SBNO1: variants seen among roughly 807,000 people sequenced by gnomAD.
SBNO1 encodes protein strawberry notch homolog 1.
SBNO1 carries 23 observed loss-of-function variants against 173.6 expected under a neutral mutation model. The ratio of observed to expected loss-of-function variants is 0.13; its 90% CI spans 0.10 to 0.19. The LOEUF (loss-of-function observed/expected upper bound fraction) is 0.19, where lower values mean the gene tolerates loss of function less well. Ranked by LOEUF, SBNO1 falls within the 10% of genes least tolerant of loss-of-function variation. The pLI, the probability that SBNO1 is intolerant of heterozygous loss-of-function variation, is 1.00. For missense variants in SBNO1, 1,238 were observed against 1,671.2 expected, an observed-to-expected ratio of 0.74 and a Z score of 4.52; for synonymous variants, 632 against 571.5, an observed-to-expected ratio of 1.11 and a Z score of -1.51.
At chr12:123,317,187 T>C (rs1341710855) in intron 21 of SBNO1, 34 bp downstream of exon 21, 3 of 1,609,984 alleles carry the variant, frequency 1.9e-6, no homozygotes, top group Non-Finnish European at 1.7e-6. Flanking sequence ...TTCCTAGCTA[T>C]CCATTAAGTG....
intron 1 of SBNO1, 21 bp downstream of exon 1, chr12:123,364,680 A>G (rs1159889796): frequency 3.1e-6 from 3 of 979,530 alleles, no homozygotes; most frequent in African/African-American, 3.6e-5. Flanking sequence ...GAAGGAGAAA[A>G]GGGCCAAGGG....
At chr12:123,338,358 G>T (rs1872107047) in intron 5 of SBNO1, among the ~76,000 whole-genome samples, 1 of 151,726 alleles carries the variant, frequency 6.6e-6, no homozygotes, top group African/African-American at 2.4e-5. Flanking sequence ...TTCAAGACCA[G>T]CCTGGCCAAC....
chr12:123,358,017 G>C lies in SBNO1; in HGVS notation c.-1+6684C>G, dbSNP rs190054735. On this transcript the variant is annotated intron_variant, in intron 1 of 31. Coordinates refer to ENST00000602398, the MANE Select transcript of SBNO1 (RefSeq NM_001167856.3). ...GTCAATTGTCTTGATTCTCACTACA[G>C]GCTGAGTTTCCCGTATCTGAAACTT... Among the ~76,000 whole-genome samples, 68 of 152,286 alleles carry C rather than the reference G, an allele frequency of 4.5e-4. 1 individual carries two copies. Among genetic ancestry groups the C allele is most frequent in the South Asian group, 1.7e-3 (8 of 4,830 alleles).
intron 31 of SBNO1, 34 bp from the exon 32 acceptor site, chr12:123,296,084 T>A: frequency 1.4e-6 from 2 of 1,465,714 alleles, no homozygotes; most frequent in Non-Finnish European, 9.6e-7. Context: ...TCAAGTTGTG[T>A]CCAGAAGAAA....
chr12:123,296,332 G>A (rs568515298), intron 31 of SBNO1, among the ~76,000 whole-genome samples: 300 of 123,420 alleles, frequency 2.4e-3, no homozygotes, highest in African/African-American at 8.6e-3. Flanking sequence ...TTTAACAGGA[G>A]GTTAAGAATA....
chr12:123,304,823 C>T, intron 28 of SBNO1, 104 bp from the exon 29 acceptor site: 1 of 792,738 alleles, frequency 1.3e-6, no homozygotes, highest in South Asian at 1.7e-5. Flanking sequence ...GACTATAACA[C>T]TAAGTAAGTA....
intron 6 of SBNO1, 100 bp from the exon 7 acceptor site, chr12:123,334,313 A>G: frequency 1.3e-6 from 1 of 753,926 alleles, no homozygotes. Flanking sequence ...TAACATAGAA[A>G]AATAATTAAA....
intron 3 of SBNO1, among the ~76,000 whole-genome samples, chr12:123,347,817 G>A (rs1292114437): frequency 6.6e-6 from 1 of 152,164 alleles, no homozygotes; most frequent in Non-Finnish European, 1.5e-5. Flanking sequence ...TTACAGGCAT[G>A]AGCCACTGTG....
rs759066455 is a variant in SBNO1, at chr12:123,323,642, C to A, written c.2125+38G>T. The A allele has an allele frequency of 2.6e-6, 4 of 1,531,910 alleles. No homozygotes were observed. In the East Asian group the frequency reaches 7.1e-5, roughly 27 times the overall value. 94.9% of individuals were successfully genotyped at this position (1,531,910 alleles called of 1,614,324 possible). On this transcript the variant is annotated intron_variant, in intron 16 of 31. Coordinates refer to ENST00000602398, the MANE Select transcript of SBNO1 (RefSeq NM_001167856.3). ...GTGCTGGGATTACAGGTGTGAGCCA[C>A]CGCACCTGGCCTATTTTTTCTTTTT...
At chr12:123,364,172 C>G in intron 1 of SBNO1, 1 of 985,542 alleles carries the variant, frequency 1.0e-6, no homozygotes. Flanking sequence ...GGGGCATGTA[C>G]GAGACCGCGC....
intron 25 of SBNO1, among the ~76,000 whole-genome samples, chr12:123,310,568 A>T (rs1215333573): frequency 7.2e-6 from 1 of 139,124 alleles, no homozygotes; most frequent in Non-Finnish European, 1.5e-5. Context: ...GTCTTGCTCT[A>T]TTGTCGCCGA....
Position 123,309,520 on chromosome 12 carries a change from T to A in SBNO1, c.3506A>T (p.Tyr1169Phe). 1 of 1,614,048 alleles carries A rather than the reference T, an allele frequency of 6.2e-7. No individual in the cohort carries two copies. Among genetic ancestry groups the A allele is most frequent in the African/African-American group, 1.3e-5 (1 of 75,068 alleles). The change falls in exon 27 of 32, where the codon TAT (tyrosine) becomes TTT (phenylalanine). Residue 1169 changes from tyrosine to phenylalanine, a missense_variant. Tyr to Phe is a conservative substitution (Grantham distance 22). Around this residue, in one of 14 missense-constraint regions of SBNO1, gnomAD observed 351 missense variants for 420.3 expected, o/e 0.84. Coordinates refer to ENST00000602398, the MANE Select transcript of SBNO1 (RefSeq NM_001167856.3). ...TAATTCTACGTGGCCAGAGGTTGAATATCCTGGAGTCAGAAACTTTTTAAC... is the reference window on the plus strand; with the variant it reads ...TAATTCTACGTGGCCAGAGGTTGAAAATCCTGGAGTCAGAAACTTTTTAAC... ...SDVKKFLTPG[Y>F]STSGHVELYT...
chr12:123,330,366 C>T (rs1320550214), intron 9 of SBNO1, 53 bp downstream of exon 9: 15 of 1,058,208 alleles, frequency 1.4e-5, no homozygotes, highest in Non-Finnish European at 2.2e-5. Flanking sequence ...ATTGTCATCT[C>T]ACAGATGAGT....
At chr12:123,355,212 G>C (rs1044558221) in intron 1 of SBNO1, among the ~76,000 whole-genome samples, 6 of 151,936 alleles carry the variant, frequency 3.9e-5, no homozygotes, top group Non-Finnish European at 7.4e-5. Flanking sequence ...GTAGAGACAG[G>C]GTTTCATCAT....
At chr12:123,305,477 C>CT (rs905744798) in intron 28 of SBNO1, among the ~76,000 whole-genome samples, 13 of 149,946 alleles carry the variant, frequency 8.7e-5, no homozygotes, top group Admixed American at 4.0e-4. Context: ...GTATTTTTAA[C>CT]TTTTTTTTTT....
At chr12:123,312,254 T>C (rs2138930005) in intron 24 of SBNO1, among the ~76,000 whole-genome samples, 1 of 152,222 alleles carries the variant, frequency 6.6e-6, no homozygotes, top group Non-Finnish European at 1.5e-5. Context: ...GAGTTGTTTC[T>C]GACACTCCTG....
At chr12:123,311,280 T>C in intron 24 of SBNO1, 151 bp from the exon 25 acceptor site, 1 of 635,636 alleles carries the variant, frequency 1.6e-6, no homozygotes, top group Admixed American at 2.6e-5. Flanking sequence ...TGGAGAGAAC[T>C]GCCCTTGTTC....
chr12:123,320,325 C>A (rs2138964240), intron 19 of SBNO1, 107 bp downstream of exon 19: 1 of 1,120,860 alleles, frequency 8.9e-7, no homozygotes, highest in East Asian at 2.4e-5. Context: ...AACAAGAATT[C>A]TATGATCTAA....
intron 24 of SBNO1, among the ~76,000 whole-genome samples, chr12:123,313,201 A>AAAAT (rs370130754): frequency 0.078 from 10,808 of 138,262 alleles, 450 homozygotes; most frequent in South Asian, 0.11. Flanking sequence ...ACTCGGTCTT[A>AAAAT]AAATAAATAA....
Sources: allele counts gnomAD v4.1 joint callset (sites outside exome capture counted in the v4.1 genomes callset), GRCh38; gene constraint gnomAD v4.1.1; regional missense constraint gnomAD v4.1.1; transcripts MANE v1.5; gene names NCBI Gene and HGNC (gene_info 2026-07-23, HGNC 2026-07-21).